SH3KBP1: variants seen among roughly 807,000 people sequenced by gnomAD.
SH3KBP1 encodes SH3 domain-containing kinase-binding protein 1.
Under a neutral mutation model 50.1 loss-of-function variants are expected in SH3KBP1, and 8 were observed. The ratio of observed to expected loss-of-function variants is 0.16; its 90% CI spans 0.09 to 0.29. The LOEUF is 0.29. Ranked by LOEUF, SH3KBP1 falls within the 10% of genes least tolerant of loss-of-function variation. SH3KBP1 has a pLI of 1.00. For synonymous variants in SH3KBP1, 227 were observed against 218.6 expected (o/e 1.04, Z -0.34); for missense variants, 377 against 535.2 (o/e 0.70, Z 2.92).
At chrX:19,541,446 G>A (rs754770594) in intron 16 of SH3KBP1, among the ~76,000 whole-genome samples, 91 of 111,259 alleles carry the variant, frequency 8.2e-4, no homozygotes, top group African/African-American at 2.9e-3. Context: ...GTAAAATCTT[G>A]GGCTTCAAGA....
At chrX:19,752,598 C>G (rs1169803019) in intron 2 of SH3KBP1, among the ~76,000 whole-genome samples, 1 of 110,951 alleles carries the variant, frequency 9.0e-6, no homozygotes, top group African/African-American at 3.3e-5. Flanking sequence ...CAGGGAGTCT[C>G]CTGGGAGGAT....
intron 3 of SH3KBP1, among the ~76,000 whole-genome samples, chrX:19,719,849 C>CTAA (rs59706273): frequency 0.025 from 2,535 of 100,550 alleles, 42 homozygotes; most frequent in African/African-American, 0.038. Context: ...CCACCTCTAA[C>CTAA]TAATAATAAT....
intron 6 of SH3KBP1, among the ~76,000 whole-genome samples, chrX:19,675,224 C>T (rs991930600): frequency 2.0e-3 from 227 of 111,304 alleles, no homozygotes; most frequent in African/African-American, 7.0e-3. Context: ...ATGTGCCAGG[C>T]ACTTCTCTAA....
In SH3KBP1 at chrX:19,809,717, C is replaced by T. The variant is rs72616092; in HGVS notation, c.162+26408G>A. ...AACCATCATTAATATTCATGGAAAA[C>T]GATAATTAATAATGCATGTGCCAGC... is the stretch of plus-strand genomic sequence containing the variant. On this transcript the variant is annotated intron_variant, in intron 2 of 17. Coordinates refer to ENST00000397821, the MANE Select transcript of SH3KBP1 (RefSeq NM_031892.3). Among the ~76,000 whole-genome samples the T allele has an allele frequency of 1.3e-4, 14 of 111,969 alleles. No individual in the cohort carries two copies. In the East Asian group the frequency reaches 2.0e-3, roughly 16 times the overall value.
At chrX:19,741,645 T>C (rs1388522426) in intron 3 of SH3KBP1, among the ~76,000 whole-genome samples, 2 of 111,841 alleles carry the variant, frequency 1.8e-5, no homozygotes, top group Non-Finnish European at 3.8e-5. Context: ...ACATTCAGAA[T>C]GACAGAAGTA....
At chrX:19,689,518 T>C (rs763538455) in intron 5 of SH3KBP1, among the ~76,000 whole-genome samples, 1 of 112,312 alleles carries the variant, frequency 8.9e-6, no homozygotes, top group South Asian at 3.7e-4. Context: ...CTCTGAATGG[T>C]TAAGCCTTCC....
chrX:19,804,249 G>A (rs1202970909), intron 2 of SH3KBP1, among the ~76,000 whole-genome samples: 1 of 111,455 alleles, frequency 9.0e-6, no homozygotes, highest in African/African-American at 3.3e-5. Context: ...AAATATTCAC[G>A]ATGGTAATTG....
intron 2 of SH3KBP1, among the ~76,000 whole-genome samples, chrX:19,813,679 C>T (rs1275525644): frequency 9.0e-6 from 1 of 110,917 alleles, no homozygotes; most frequent in African/African-American, 3.3e-5. Flanking sequence ...CTGGCCAGGA[C>T]AGACTGGCAT....
At chrX:19,542,238 GTGC>G in intron 15 of SH3KBP1, 45 bp from the exon 16 acceptor site, 1 of 1,116,323 alleles carries the variant, frequency 9.0e-7, no homozygotes, top group South Asian at 2.2e-5. Flanking sequence ...GGGGATTTGT[GTGC>G]TGCGTCTTTG....
At chrX:19,598,234 TTTA>T (rs2066967926) in intron 9 of SH3KBP1, among the ~76,000 whole-genome samples, 2 of 67,580 alleles carry the variant, frequency 3.0e-5, no homozygotes, top group African/African-American at 1.1e-4. Flanking sequence ...TCTGTTTTTA[TTTA>T]TTTATTTATT....
chrX:19,850,959 C>G (rs961445281), intron 1 of SH3KBP1, among the ~76,000 whole-genome samples: 12 of 110,678 alleles, frequency 1.1e-4, no homozygotes, highest in African/African-American at 3.6e-4. Flanking sequence ...CACTGGGTTC[C>G]TCACCCAGAG....
At chrX:19,864,853 A>G (rs1306073545) in intron 1 of SH3KBP1, among the ~76,000 whole-genome samples, 2 of 112,235 alleles carry the variant, frequency 1.8e-5, no homozygotes, top group Non-Finnish European at 3.8e-5. Flanking sequence ...CTGTTAATGA[A>G]GTAAAACTCT....
In SH3KBP1 at chrX:19,799,661, G is replaced by C. The variant is rs138422588; in HGVS notation, c.162+36464C>G. On this transcript the variant is annotated intron_variant, in intron 2 of 17. Coordinates refer to ENST00000397821, the MANE Select transcript of SH3KBP1 (RefSeq NM_031892.3). ...TCTCAGACAAGTCTGCGGCACTTGG[G>C]GCTTTGGCTGCTGAAACCTCCATTC... 2,168 of 1,207,900 alleles carry C rather than the reference G, an allele frequency of 1.8e-3. 3 individuals carry two copies. Among genetic ancestry groups the C allele is most frequent in the Non-Finnish European group, 1.9e-3 (1,722 of 894,100 alleles).
intron 15 of SH3KBP1, 114 bp from the exon 16 acceptor site, chrX:19,542,307 T>C: frequency 1.3e-6 from 1 of 753,665 alleles, no homozygotes; most frequent in Non-Finnish European, 1.8e-6. Context: ...CTCCACACAC[T>C]CCATTCACTT....
At position 19,880,310 on chromosome X, in the gene SH3KBP1, G is replaced by A. The variant is rs142645039; in HGVS notation, c.4+6997C>T. On this transcript the variant is annotated intron_variant, in intron 1 of 17. Transcript: ENST00000397821. The stretch of plus-strand genomic sequence containing the variant: ...ACTCCTGGTGGTCCATAGTCGTGGA[G>A]AATTGCAAGTTGTAACCGTATTTGG... Among the ~76,000 whole-genome samples, 78 of 112,601 alleles carry A rather than the reference G, an allele frequency of 6.9e-4. 2 individuals carry two copies. In the East Asian group the frequency reaches 0.019, roughly 28 times the overall value.
At chrX:19,581,796 A>ATGAT (rs1242281772) in intron 12 of SH3KBP1, among the ~76,000 whole-genome samples, 1 of 105,984 alleles carries the variant, frequency 9.4e-6, no homozygotes, top group Admixed American at 1.0e-4. Context: ...AGAACTCATC[A>ATGAT]GTCACTTAAC....
chrX:19,771,326 T>G (rs1005279717), intron 2 of SH3KBP1, among the ~76,000 whole-genome samples: 1 of 111,711 alleles, frequency 9.0e-6, no homozygotes, highest in African/African-American at 3.3e-5. Context: ...AAGGTAGGTC[T>G]ATGTGCTTTC....
chrX:19,771,269 T>C (rs1053839838), intron 2 of SH3KBP1, among the ~76,000 whole-genome samples: 36 of 112,602 alleles, frequency 3.2e-4, no homozygotes, highest in Non-Finnish European at 6.4e-4. Context: ...ATTTTTTCTT[T>C]ATAAGAAAAT....
intron 2 of SH3KBP1, among the ~76,000 whole-genome samples, chrX:19,814,525 C>T (rs2067299582): frequency 9.0e-6 from 1 of 111,521 alleles, no homozygotes; most frequent in African/African-American, 3.3e-5. Context: ...ACTGGTCTCT[C>T]TGTTGTTCCT....
Sources: allele counts gnomAD v4.1 joint callset (sites outside exome capture counted in the v4.1 genomes callset), GRCh38; gene constraint gnomAD v4.1.1; transcripts MANE v1.5; gene names NCBI Gene and HGNC (gene_info 2026-07-23, HGNC 2026-07-21).